The following TAOK3 variants were observed in gnomAD, a reference collection of about 807,000 sequenced individuals.
The protein encoded by TAOK3 is TAO kinase 3.
A neutral mutation model predicts 120.4 loss-of-function variants in TAOK3; 40 were observed. That is an observed-to-expected ratio of 0.33 (90% CI 0.26 to 0.43). The LOEUF (loss-of-function observed/expected upper bound fraction) is 0.43, where lower values mean the gene tolerates loss of function less well. TAOK3 is among the 20% of genes least tolerant of loss of function. TAOK3 has a pLI of 1.00. For synonymous variants in TAOK3, 355 were observed against 387.5 expected (o/e 0.92, Z 0.99); for missense variants, 821 against 1,112.1 (o/e 0.74, Z 3.72).
intron 3 of TAOK3, among the ~76,000 whole-genome samples, chr12:118,248,819 C>T (rs765183932): frequency 2.6e-4 from 40 of 152,114 alleles, no homozygotes; most frequent in South Asian, 8.3e-4. Context: ...TGCTTCCACT[C>T]ACTTACACAT....
At chr12:118,222,707 A>C (rs1179926412) in intron 9 of TAOK3, among the ~76,000 whole-genome samples, 1 of 152,184 alleles carries the variant, frequency 6.6e-6, no homozygotes, top group African/African-American at 2.4e-5. Context: ...TCTCACTTAC[A>C]AGTGGGTGCT....
At chr12:118,355,867 A>G (rs1407324469) in intron 1 of TAOK3, among the ~76,000 whole-genome samples, 3 of 152,186 alleles carry the variant, frequency 2.0e-5, no homozygotes, top group East Asian at 1.9e-4. Flanking sequence ...AATTATATCA[A>G]TTTTACAGAA....
intron 13 of TAOK3, among the ~76,000 whole-genome samples, chr12:118,197,682 CTTTTTTTTT>C (rs67635506): frequency 2.2e-5 from 2 of 90,782 alleles, no homozygotes; most frequent in South Asian, 8.0e-4. Flanking sequence ...GCAAAACCTT[CTTTTTTTTT>C]TTTTTTTTTT....
intron 14 of TAOK3, among the ~76,000 whole-genome samples, chr12:118,188,680 A>T (rs2037224859): frequency 6.6e-6 from 1 of 152,222 alleles, no homozygotes; most frequent in Non-Finnish European, 1.5e-5. Flanking sequence ...GAGAAATAGA[A>T]GTAGAAATCA....
intron 1 of TAOK3, among the ~76,000 whole-genome samples, chr12:118,316,131 A>G (rs2043448115): frequency 6.6e-6 from 1 of 152,200 alleles, no homozygotes; most frequent in South Asian, 2.1e-4. Flanking sequence ...ATTCCTAATA[A>G]TGGGTGTTTC....
At chr12:118,309,589 C>T (rs948890900) in intron 1 of TAOK3, among the ~76,000 whole-genome samples, 4 of 151,658 alleles carry the variant, frequency 2.6e-5, no homozygotes, top group Admixed American at 6.6e-5. Flanking sequence ...GATCTTGGCT[C>T]ACTGCAACCT....
In TAOK3 at chr12:118,199,179, T is replaced by C. The variant is rs761887972; in HGVS notation, c.1066A>G (p.Ser356Gly). The part of the protein sequence containing the change: ...SNHSIPSMSV[S>G]TGSQSSSVNS... ...ACACTGCTGCTCTGGCTGCCTGTGC[T>C]CACGGACATGCTTGGAATGGAATGG... Residue 356 changes from serine to glycine, a missense_variant, in exon 13 of 21, where the codon AGC becomes GGC. Around this residue, in one of 2 missense-constraint regions of TAOK3, gnomAD observed 467 missense variants for 540.0 expected, o/e 0.86. Transcript: ENST00000392533. The C allele has an allele frequency of 6.0e-5, 97 of 1,614,084 alleles. 1 individual carries two copies. The South Asian group carries it at 1.1e-3, about 18-fold the overall frequency.
At chr12:118,308,465 T>G (rs949760361) in intron 1 of TAOK3, among the ~76,000 whole-genome samples, 3 of 152,136 alleles carry the variant, frequency 2.0e-5, no homozygotes, top group Non-Finnish European at 4.4e-5. Context: ...CTAACCAAAT[T>G]CAATTATTTT....
chr12:118,151,640 C>T (rs2034450677), intron 20 of TAOK3, among the ~76,000 whole-genome samples: 1 of 152,132 alleles, frequency 6.6e-6, no homozygotes, highest in African/African-American at 2.4e-5. Flanking sequence ...TCTCAGGGAA[C>T]TACTGGAAGA....
intron 9 of TAOK3, among the ~76,000 whole-genome samples, chr12:118,216,655 A>G (rs925675964): frequency 1.5e-4 from 23 of 152,182 alleles, no homozygotes; most frequent in African/African-American, 5.3e-4. Flanking sequence ...CAGGCCAGGC[A>G]CGGTGGCTCA....
chr12:118,186,186 A>C (rs17512142), intron 14 of TAOK3, among the ~76,000 whole-genome samples: 14,367 of 152,218 alleles, frequency 0.094, 861 homozygotes, highest in Non-Finnish European at 0.13. Context: ...TAGAACAATA[A>C]TACTTTTCTC....
rs564337212 is a variant in TAOK3 at position 118,302,757 on chromosome 12, T to C, written c.-193-35998A>G. On this transcript the variant is annotated intron_variant, in intron 1 of 20. Coordinates refer to ENST00000392533, the MANE Select transcript of TAOK3 (RefSeq NM_016281.4). ...TATTCAATGCTGATAACTGATAAACTTGGTATTAAAAAGAGATATGGGAAC... is the reference window on the plus strand; with the variant it reads ...TATTCAATGCTGATAACTGATAAACCTGGTATTAAAAAGAGATATGGGAAC... Among the ~76,000 whole-genome samples the C allele has an allele frequency of 4.6e-5, 7 of 152,316 alleles. No homozygotes were observed. The South Asian group carries it at 1.2e-3, about 27-fold the overall frequency.
At chr12:118,300,054 A>G (rs1004681742) in intron 1 of TAOK3, among the ~76,000 whole-genome samples, 3 of 152,150 alleles carry the variant, frequency 2.0e-5, no homozygotes, top group Non-Finnish European at 4.4e-5. Flanking sequence ...AGCCATTTTC[A>G]CGAGGGTACC....
intron 2 of TAOK3, among the ~76,000 whole-genome samples, chr12:118,257,822 AC>A (rs2041056042): frequency 1.3e-5 from 2 of 152,036 alleles, no homozygotes; most frequent in Non-Finnish European, 2.9e-5. Context: ...CACTTACCCA[AC>A]TCATTCTTTC....
At chr12:118,258,125 T>C (rs2041067318) in intron 2 of TAOK3, among the ~76,000 whole-genome samples, 1 of 152,186 alleles carries the variant, frequency 6.6e-6, no homozygotes, top group Non-Finnish European at 1.5e-5. Flanking sequence ...ATATGAATTG[T>C]ATGGGAGAGT....
chr12:118,162,101 G>T (rs2035259327), intron 17 of TAOK3, 74 bp from the exon 18 acceptor site: 5 of 1,566,712 alleles, frequency 3.2e-6, no homozygotes, highest in Admixed American at 1.8e-5. Flanking sequence ...AACTAAGTGA[G>T]GGAGGGCAAG....
intron 1 of TAOK3, among the ~76,000 whole-genome samples, chr12:118,330,734 A>C (rs2044110883): frequency 6.6e-6 from 1 of 151,588 alleles, no homozygotes; most frequent in African/African-American, 2.4e-5. Context: ...GAAAAGAAAA[A>C]GAAAGAAGGA....
chr12:118,270,823 C>T (rs2041668851), intron 1 of TAOK3, among the ~76,000 whole-genome samples: 1 of 151,938 alleles, frequency 6.6e-6, no homozygotes, highest in African/African-American at 2.4e-5. Flanking sequence ...TACAGGCGCC[C>T]GCCACCACGC....
In TAOK3 at chr12:118,161,811, G is replaced by A. The variant is rs1277510978; in HGVS notation, c.2116C>T (p.Arg706Trp). 3.7e-6 allele frequency: 6 copies of A among 1,614,090 alleles called. No homozygotes were observed. The highest frequency in any genetic ancestry group is 1.1e-5 in the South Asian group (1 of 91,090). Residue 706 changes from arginine (R) to tryptophan (W), a missense_variant, in exon 18 of 21, where the codon CGG (arginine) becomes TGG (tryptophan). Physicochemically the swap from Arg to Trp is moderately radical, Grantham distance 101 (BLOSUM62 -3). Transcript: ENST00000392533. This position sits in a 1 kb window ranked among gnomAD's most constrained non-coding sequence, Gnocchi z 4.5. Reference protein sequence around the residue: ...ELHRKHVMELRQQPKNLKAME... With the variant: ...ELHRKHVMELWQQPKNLKAME... ...ACCTTTAAGTTTTTTGGCTGTTGCC[G>A]AAGTTCCATGACATGCTTTCTGTGC...
Sources: gnomAD v4.1 joint callset for allele counts (sites outside exome capture counted in the v4.1 genomes callset) on GRCh38, gnomAD v4.1.1 for gene constraint, gnomAD v4.1.1 regional missense constraint, Gnocchi (gnomAD v3.1) non-coding constraint, MANE v1.5 for transcripts, NCBI Gene and HGNC (gene_info 2026-07-23, HGNC 2026-07-21) for gene names.